Variants in STK33 observed in about 807,000 individuals in gnomAD.
STK33 encodes the protein serine/threonine-protein kinase 33.
In STK33, 52 loss-of-function variants were observed where a neutral mutation model predicts 58.0. That is an observed-to-expected ratio of 0.90 (90% CI 0.72 to 1.13). The LOEUF (loss-of-function observed/expected upper bound fraction) is 1.13, where lower values mean the gene tolerates loss of function less well. STK33 is among the 50% of genes most tolerant of loss of function. The pLI, the probability that STK33 is intolerant of heterozygous loss-of-function variation, is 0.00. For synonymous variants in STK33, 215 were observed against 200.1 expected (o/e 1.07, Z -0.63); for missense variants, 630 against 604.2 (o/e 1.04, Z -0.45).
At chr11:8,341,077 C>T in the STK33 span, among the ~76,000 whole-genome samples, 8 of 149,292 alleles carry the variant, frequency 5.4e-5, no homozygotes, top group Middle Eastern at 3.4e-3. Flanking sequence ...AGGCTGGTCT[C>T]GAACTCATGA....
Position 8,561,463 on chromosome 11 carries a change from T to C in STK33, c.-466+32620A>G, listed in dbSNP as rs983478740. ...CTGTCTGGATGCTTGGCGATTCTTT[T>C]TTTTAATCTTGAAGCACAAGTAACT... On this transcript the variant is annotated intron_variant, in intron 1 of 15. Coordinates refer to ENST00000687296, the MANE Select transcript of STK33 (RefSeq NM_001352389.2). 4.6e-5 allele frequency among the ~76,000 whole-genome samples: 7 copies of C among 152,306 alleles called. 1 individual carries two copies. Among genetic ancestry groups the C allele is most frequent in the Admixed American group, 4.6e-4 (7 of 15,296 alleles).
At chr11:8,526,395 A>G (rs924737135) in intron 1 of STK33, among the ~76,000 whole-genome samples, 1 of 152,156 alleles carries the variant, frequency 6.6e-6, no homozygotes, top group South Asian at 2.1e-4. Context: ...CGATCTCAAA[A>G]AAAAAAAAGA....
intron 1 of STK33, among the ~76,000 whole-genome samples, chr11:8,543,898 TAAAAG>T (rs1955709298): frequency 6.6e-6 from 1 of 152,126 alleles, no homozygotes; most frequent in African/African-American, 2.4e-5. Flanking sequence ...ATTAAAAATA[TAAAAG>T]AAAACACTCA....
intron 1 of STK33, among the ~76,000 whole-genome samples, chr11:8,495,004 C>T (rs1437718604): frequency 6.6e-6 from 1 of 152,108 alleles, no homozygotes; most frequent in Non-Finnish European, 1.5e-5. Flanking sequence ...AGAAGAAAAC[C>T]TAGCCAATAC....
chr11:8,586,232 A>C (rs1423046883), intron 1 of STK33, among the ~76,000 whole-genome samples: 3 of 151,874 alleles, frequency 2.0e-5, no homozygotes, highest in East Asian at 3.9e-4. Flanking sequence ...AAAAAAAAAA[A>C]AAAAACACCT....
At chr11:8,506,013 C>G (rs547452365) in intron 1 of STK33, among the ~76,000 whole-genome samples, 6 of 152,194 alleles carry the variant, frequency 3.9e-5, no homozygotes, top group Non-Finnish European at 7.3e-5. Context: ...TTTTGGTAAA[C>G]TGCAAAATGG....
intron 15 of STK33, among the ~76,000 whole-genome samples, chr11:8,413,261 T>G (rs1940586002): frequency 6.6e-6 from 1 of 152,202 alleles, no homozygotes; most frequent in African/African-American, 2.4e-5. Flanking sequence ...GTTTGTTCCC[T>G]TACAGAAAAA....
chr11:8,397,806 T>C (rs1395546001), intron 15 of STK33, among the ~76,000 whole-genome samples: 3 of 151,834 alleles, frequency 2.0e-5, no homozygotes, highest in Non-Finnish European at 2.9e-5. Context: ...GAGAACTACA[T>C]GACAAATGCA....
intron 1 of STK33, among the ~76,000 whole-genome samples, chr11:8,532,379 A>ATT (rs1481336012): frequency 2.6e-5 from 4 of 152,242 alleles, no homozygotes; most frequent in Admixed American, 2.6e-4. Flanking sequence ...CTTTTGCACT[A>ATT]CAATGGCAGG....
intron 2 of STK33, among the ~76,000 whole-genome samples, chr11:8,480,109 T>C (rs1324927050): frequency 1.3e-5 from 2 of 152,152 alleles, no homozygotes; most frequent in Non-Finnish European, 2.9e-5. Context: ...ATTAGGCATA[T>C]GGGATTAGAC....
At chr11:8,578,564 T>A (rs1958345615) in intron 1 of STK33, among the ~76,000 whole-genome samples, 1 of 151,886 alleles carries the variant, frequency 6.6e-6, no homozygotes, top group African/African-American at 2.4e-5. Flanking sequence ...ATATATAATA[T>A]ACTATATGTA....
intron 1 of STK33, among the ~76,000 whole-genome samples, chr11:8,585,144 A>G (rs1404909231): frequency 6.6e-6 from 1 of 151,562 alleles, no homozygotes; most frequent in Non-Finnish European, 1.5e-5. Context: ...GCTGGTCTCA[A>G]ACTCCTGACT....
the STK33 span, among the ~76,000 whole-genome samples, chr11:8,349,269 T>C: frequency 6.6e-6 from 1 of 152,250 alleles, no homozygotes; most frequent in African/African-American, 2.4e-5. Context: ...TCTGATATCA[T>C]ATAAGTGCCA....
At position 8,515,664 on chromosome 11, in the gene STK33, C is replaced by T. The variant is rs552431804; in HGVS notation, c.-465-35050G>A. Among the ~76,000 whole-genome samples the T allele has an allele frequency of 2.6e-5, 4 of 152,204 alleles. No homozygotes were observed. In the East Asian group the frequency reaches 5.8e-4, roughly 22 times the overall value. ...CCAAGTAAGACTTATCTCTGAGATG[C>T]AAGGATAGTTCAACACATGAAAACC... On this transcript the variant is annotated intron_variant, in intron 1 of 15. Coordinates refer to ENST00000687296, the MANE Select transcript of STK33 (RefSeq NM_001352389.2).
chr11:8,369,709 C>A, the STK33 span, among the ~76,000 whole-genome samples: 1 of 152,120 alleles, frequency 6.6e-6, no homozygotes, highest in South Asian at 2.1e-4. Context: ...ACCCCAGTTT[C>A]TTTATTTGTA....
intron 1 of STK33, among the ~76,000 whole-genome samples, chr11:8,538,799 A>C (rs964203784): frequency 4.6e-5 from 7 of 152,214 alleles, no homozygotes; most frequent in Non-Finnish European, 1.0e-4. Context: ...ACAGGATGTC[A>C]GCTACTTTTT....
At chr11:8,393,525 A>C (rs1423996454) in intron 15 of STK33, among the ~76,000 whole-genome samples, 1 of 152,150 alleles carries the variant, frequency 6.6e-6, no homozygotes, top group Non-Finnish European at 1.5e-5. Context: ...TAGAGTTCTA[A>C]AAGAGTAGAG....
intron 11 of STK33, among the ~76,000 whole-genome samples, chr11:8,442,091 T>G (rs1289014719): frequency 6.6e-6 from 1 of 150,786 alleles, no homozygotes; most frequent in Non-Finnish European, 1.5e-5. Context: ...TAAAAGCAAA[T>G]GGAATTTCAT....
chr11:8,515,778 A>G (rs773464644), intron 1 of STK33, among the ~76,000 whole-genome samples: 2 of 152,210 alleles, frequency 1.3e-5, no homozygotes, highest in African/African-American at 4.8e-5. Context: ...GATAAAATTC[A>G]ACACTTTTTC....
Sources: gnomAD v4.1 joint callset for allele counts (sites outside exome capture counted in the v4.1 genomes callset) on GRCh38, gnomAD v4.1.1 for gene constraint, MANE v1.5 for transcripts, NCBI Gene and HGNC (gene_info 2026-07-23, HGNC 2026-07-21) for gene names.